Variants in NEDD8 observed in about 807,000 individuals in gnomAD.
NEDD8 encodes ubiquitin-like protein NEDD8.
NEDD8 carries 1 observed loss-of-function variant against 13.8 expected under a neutral mutation model. The observed-to-expected ratio is 0.07, with a 90% CI of 0.03 to 0.34. NEDD8 has a LOEUF of 0.34. NEDD8 is among the 10% of genes least tolerant of loss of function. The pLI, the probability that NEDD8 is intolerant of heterozygous loss-of-function variation, is 0.99. For synonymous variants in NEDD8, 31 were observed against 33.2 expected (o/e 0.93, Z 0.23); for missense variants, 10 against 95.2 (o/e 0.10, Z 3.73).
At chr14:24,226,034 A>C (rs112237409) in intron 1 of NEDD8, among the ~76,000 whole-genome samples, 6,373 of 148,436 alleles carry the variant, frequency 0.043, 191 homozygotes, top group Middle Eastern at 0.092. Context: ...GTGAGACTCC[A>C]TCTCCAAAAA....
Position 24,223,259 on chromosome 14 carries a change from T to C in NEDD8, c.19-4828A>G, listed in dbSNP as rs530639288. On this transcript the variant is annotated intron_variant, in intron 1 of 3. Coordinates refer to ENST00000250495, the MANE Select transcript of NEDD8 (RefSeq NM_006156.3). ...TCTCTACAATAAAATTAGCCAGGCA[T>C]AGTGGCACAGGCCTGTAGTCCCAGC... Among the ~76,000 whole-genome samples, 167 of 151,938 alleles carry C rather than the reference T, an allele frequency of 1.1e-3. 1 individual carries two copies. In the South Asian group the frequency reaches 0.013, roughly 12 times the overall value.
At chr14:24,220,286 T>C (rs1346790639) in intron 1 of NEDD8, among the ~76,000 whole-genome samples, 1 of 152,246 alleles carries the variant, frequency 6.6e-6, no homozygotes, top group Non-Finnish European at 1.5e-5. Flanking sequence ...ATGATCATAT[T>C]ATAATCACAG....
At chr14:24,222,500 T>C (rs1056290155) in intron 1 of NEDD8, among the ~76,000 whole-genome samples, 1 of 152,188 alleles carries the variant, frequency 6.6e-6, no homozygotes, top group African/African-American at 2.4e-5. Context: ...CCATTTTTTA[T>C]ACCACAAATG....
At chr14:24,220,944 A>G (rs1208767556) in intron 1 of NEDD8, among the ~76,000 whole-genome samples, 1 of 152,238 alleles carries the variant, frequency 6.6e-6, no homozygotes, top group Non-Finnish European at 1.5e-5. Flanking sequence ...GAACAGCACG[A>G]AACAAGAACT....
At chr14:24,226,928 A>G (rs897642353) in intron 1 of NEDD8, 4 of 152,252 alleles carry the variant, frequency 2.6e-5, no homozygotes, top group African/African-American at 9.6e-5. Flanking sequence ...GAAACTGGAG[A>G]TAACTCAAAC....
intron 1 of NEDD8, chr14:24,227,238 G>GT (rs542974361): frequency 8.1e-4 from 124 of 152,256 alleles, no homozygotes; most frequent in African/African-American, 2.8e-3. Context: ...GCATTTTACT[G>GT]TATGTTAAAA....
At chr14:24,219,710 C>T (rs569380657) in intron 1 of NEDD8, among the ~76,000 whole-genome samples, 1 of 152,268 alleles carries the variant, frequency 6.6e-6, no homozygotes, top group African/African-American at 2.4e-5. Context: ...ATAGCTCTAT[C>T]TGTATTAGTC....
chr14:24,218,086 C>T (rs1288164953), intron 3 of NEDD8, 47 bp downstream of exon 3: 1 of 1,612,446 alleles, frequency 6.2e-7, no homozygotes, highest in Non-Finnish European at 8.5e-7. Context: ...CTCCTCTTCT[C>T]ATCTTCACAT....
Position 24,216,959 on chromosome 14 carries a change from C to T in NEDD8, c.*168G>A, listed in dbSNP as rs943147328. On this transcript the variant is annotated 3_prime_UTR_variant, in exon 4 of 4. Coordinates refer to ENST00000250495, the MANE Select transcript of NEDD8 (RefSeq NM_006156.3). ...TAACACCCAGTAGCCAGCAAGGGCC[C>T]TCTGGGCCAGGAATACTGAATCCTG... 6 of 614,498 alleles carry T rather than the reference C, an allele frequency of 9.8e-6. No homozygotes were observed. In the Admixed American group the frequency reaches 1.0e-4, roughly 10 times the overall value. The allele number at this position is 614,498 out of a possible 1,614,324, so 38.1% of individuals were successfully genotyped here.
chr14:24,231,981 A>G, intron 1 of NEDD8: 1 of 490,742 alleles, frequency 2.0e-6, no homozygotes. Context: ...GTGAGACCCG[A>G]CAAAAGCGAC....
At chr14:24,219,475 C>CAAAAAAAAA (rs59964484) in intron 1 of NEDD8, among the ~76,000 whole-genome samples, 5 of 33,368 alleles carry the variant, frequency 1.5e-4, no homozygotes, top group Admixed American at 4.1e-4. Flanking sequence ...AACACCCTCG[C>CAAAAAAAAA]AAAAAAAAAA....
chr14:24,232,281 T>G lies in NEDD8; in HGVS notation c.-14A>C. The G allele has an allele frequency of 6.2e-7, 1 of 1,613,212 alleles. No individual in the cohort carries two copies. Among genetic ancestry groups the G allele is most frequent in the Non-Finnish European group, 8.5e-7 (1 of 1,179,800 alleles). On this transcript the variant is annotated 5_prime_UTR_variant, in exon 1 of 4. Coordinates refer to ENST00000250495, the MANE Select transcript of NEDD8 (RefSeq NM_006156.3). ...TTTAATTAGCATCTTCTTTCCAGTT[T>G]GGGGCTGCACACGGATAAATTGCTG...
chr14:24,220,942 C>T (rs936127173), intron 1 of NEDD8, among the ~76,000 whole-genome samples: 6 of 152,026 alleles, frequency 3.9e-5, no homozygotes, highest in African/African-American at 1.2e-4. Context: ...TAGAACAGCA[C>T]GAAACAAGAA....
chr14:24,229,104 T>C (rs935305192), intron 1 of NEDD8, among the ~76,000 whole-genome samples: 1 of 152,252 alleles, frequency 6.6e-6, no homozygotes, highest in African/African-American at 2.4e-5. Context: ...TGCAGAAACC[T>C]GTGCCCCACC....
intron 1 of NEDD8, among the ~76,000 whole-genome samples, chr14:24,229,818 G>A (rs969382122): frequency 6.6e-6 from 1 of 152,136 alleles, no homozygotes; most frequent in Non-Finnish European, 1.5e-5. Context: ...GCTCATGACT[G>A]TAATCTCAAC....
At chr14:24,225,946 G>A (rs1028865540) in intron 1 of NEDD8, among the ~76,000 whole-genome samples, 13 of 151,956 alleles carry the variant, frequency 8.6e-5, no homozygotes, top group African/African-American at 3.1e-4. Flanking sequence ...AGGCTGAGGA[G>A]GAGAAATGCT....
intron 1 of NEDD8, among the ~76,000 whole-genome samples, chr14:24,222,359 T>C (rs986230889): frequency 2.6e-4 from 40 of 152,248 alleles, no homozygotes; most frequent in African/African-American, 9.6e-4. Context: ...ATTAAAATTT[T>C]GTAAAAACAA....
intron 1 of NEDD8, among the ~76,000 whole-genome samples, chr14:24,219,495 A>G (rs1384525457): frequency 7.3e-6 from 1 of 137,132 alleles, no homozygotes; most frequent in African/African-American, 3.6e-5. Flanking sequence ...AAAAAAAAAA[A>G]AAAAAAGAAA....
chr14:24,220,791 C>T (rs2039794982), intron 1 of NEDD8, among the ~76,000 whole-genome samples: 1 of 152,188 alleles, frequency 6.6e-6, no homozygotes, highest in South Asian at 2.1e-4. Flanking sequence ...AGATTGGATC[C>T]AGATTCCCTG....
Sources: allele counts gnomAD v4.1 joint callset (sites outside exome capture counted in the v4.1 genomes callset), GRCh38; gene constraint gnomAD v4.1.1; transcripts MANE v1.5; gene names NCBI Gene and HGNC (gene_info 2026-07-23, HGNC 2026-07-21).